Variants in NBEA observed in about 807,000 individuals in gnomAD.
NBEA encodes neurobeachin, also known as lysosomal-trafficking regulator 2.
A neutral mutation model predicts 343.4 loss-of-function variants in NBEA; 44 were observed. The observed-to-expected ratio is 0.13, with a 90% CI of 0.10 to 0.16. The LOEUF is 0.16. NBEA is among the 10% of genes least tolerant of loss of function. The pLI is 1.00. For synonymous variants in NBEA, 1,175 were observed against 1,238.7 expected (o/e 0.95, Z 1.08); for missense variants, 2,555 against 3,631.3 (o/e 0.70, Z 7.62).
chr13:35,662,099 A>G (rs1297256565), intron 55 of NBEA, among the ~76,000 whole-genome samples: 2 of 152,250 alleles, frequency 1.3e-5, no homozygotes, highest in Non-Finnish European at 2.9e-5. Context: ...GTCTATGTGA[A>G]TAAGCAGCAT....
chr13:35,280,695 G>A (rs545940766), intron 34 of NBEA, among the ~76,000 whole-genome samples: 34 of 152,070 alleles, frequency 2.2e-4, no homozygotes, highest in African/African-American at 7.2e-4. Context: ...CTGGCCTATG[G>A]TAAGTATGCA....
At chr13:35,656,591 T>C (rs1249576906) in intron 55 of NBEA, among the ~76,000 whole-genome samples, 1 of 152,186 alleles carries the variant, frequency 6.6e-6, no homozygotes, top group Admixed American at 6.5e-5. Flanking sequence ...GTTCCTGTCA[T>C]AGTAATATAC....
chr13:35,185,937 A>G (rs2071670279), intron 30 of NBEA: 1 of 152,108 alleles, frequency 6.6e-6, no homozygotes, highest in Non-Finnish European at 1.5e-5. Context: ...TTCATGATAG[A>G]TATGATCAAA....
At chr13:35,486,331 TG>T (rs1456743485) in intron 41 of NBEA, among the ~76,000 whole-genome samples, 1 of 152,110 alleles carries the variant, frequency 6.6e-6, no homozygotes, top group African/African-American at 2.4e-5. Flanking sequence ...TTAACCATAA[TG>T]TAATTCAGAG....
chr13:35,009,716 G>A (rs192293818), intron 1 of NBEA, among the ~76,000 whole-genome samples: 17 of 152,230 alleles, frequency 1.1e-4, no homozygotes, highest in Non-Finnish European at 2.1e-4. Context: ...CTGGTATTTC[G>A]GAATAAACCA....
intron 11 of NBEA, among the ~76,000 whole-genome samples, chr13:35,107,484 A>G (rs1312024030): frequency 4.6e-5 from 7 of 152,012 alleles, no homozygotes; most frequent in African/African-American, 1.7e-4. Flanking sequence ...GAACCAATTA[A>G]GTGGCCCCCT....
chr13:35,339,051 C>T lies in NBEA; in HGVS notation c.5904-10057C>T, dbSNP rs569528101. ...CAAAGAACCCCGCAATGAAGTCATG[C>T]TTATTTATGAAAGACTGAATGTATT... On this transcript the variant is annotated intron_variant, in intron 36 of 58. Transcript: ENST00000379939. Among the ~76,000 whole-genome samples the T allele has an allele frequency of 2.0e-5, 3 of 152,170 alleles. No homozygotes were observed. The East Asian group carries it at 5.8e-4, about 29-fold the overall frequency.
At chr13:35,301,183 T>A (rs74580436) in intron 35 of NBEA, among the ~76,000 whole-genome samples, 5 of 152,056 alleles carry the variant, frequency 3.3e-5, no homozygotes, top group South Asian at 4.1e-4. Flanking sequence ...TTTTTTTTTT[T>A]AATTTTACTT....
intron 8 of NBEA, among the ~76,000 whole-genome samples, chr13:35,069,516 C>T (rs1412729895): frequency 1.3e-5 from 2 of 152,012 alleles, no homozygotes; most frequent in Non-Finnish European, 2.9e-5. Context: ...TCATTTTTCT[C>T]TATAAGTAAT....
intron 36 of NBEA, among the ~76,000 whole-genome samples, chr13:35,313,300 C>G (rs966561757): frequency 2.0e-5 from 3 of 152,160 alleles, no homozygotes; most frequent in Admixed American, 6.5e-5. Context: ...TTGTTTACAT[C>G]TATTTCTCCT....
intron 11 of NBEA, among the ~76,000 whole-genome samples, chr13:35,103,710 T>C (rs1330644347): frequency 6.6e-6 from 1 of 151,874 alleles, no homozygotes; most frequent in Non-Finnish European, 1.5e-5. Context: ...CTTTATCTTA[T>C]TTAGTGGCAT....
intron 34 of NBEA, among the ~76,000 whole-genome samples, chr13:35,242,119 C>T (rs1484844354): frequency 4.0e-5 from 6 of 151,860 alleles, no homozygotes; most frequent in African/African-American, 1.2e-4. Context: ...TTTAAAACAA[C>T]TGTCTTTAAT....
chr13:35,169,885 C>G (rs2070331933), intron 25 of NBEA, among the ~76,000 whole-genome samples: 2 of 151,586 alleles, frequency 1.3e-5, no homozygotes, highest in Admixed American at 1.3e-4. Flanking sequence ...TTTTAAAATC[C>G]AAGTAATGAA....
intron 49 of NBEA, among the ~76,000 whole-genome samples, chr13:35,629,072 G>A (rs2083345927): frequency 6.6e-6 from 1 of 152,166 alleles, no homozygotes; most frequent in South Asian, 2.1e-4. Context: ...ATTATGTGCT[G>A]TAGTATGTAT....
chr13:35,608,715 C>T (rs1366160166), intron 48 of NBEA, among the ~76,000 whole-genome samples: 2 of 152,224 alleles, frequency 1.3e-5, no homozygotes, highest in East Asian at 3.9e-4. Flanking sequence ...GCAAAGTAGC[C>T]AATAGTTGTT....
intron 33 of NBEA, among the ~76,000 whole-genome samples, chr13:35,217,502 G>C (rs973863398): frequency 6.6e-6 from 1 of 151,970 alleles, no homozygotes; most frequent in Non-Finnish European, 1.5e-5. Context: ...TTTAAAAGTT[G>C]TTTTACTTTT....
chr13:35,428,984 G>C (rs936002801), intron 38 of NBEA, among the ~76,000 whole-genome samples: 3 of 152,118 alleles, frequency 2.0e-5, no homozygotes, highest in African/African-American at 7.2e-5. Context: ...TGCTTGATGG[G>C]GGTGGGAGTT....
Position 35,511,672 on chromosome 13 carries a change from TAGTA to T in NBEA, c.6586-38802_6586-38799del, listed in dbSNP as rs536516693. Among the ~76,000 whole-genome samples, 11 of 152,326 alleles carry T rather than the reference TAGTA, an allele frequency of 7.2e-5. No individual in the cohort carries two copies. In the South Asian group the frequency reaches 2.3e-3, roughly 32 times the overall value. Reference sequence around the variant, plus strand: ...CAAAGATAGTCAAATATACTGCTATTAGTAAGGCAGCATTACACTGTATCATATT... The same window carrying T: ...CAAAGATAGTCAAATATACTGCTATTAGGCAGCATTACACTGTATCATATT... On this transcript the variant is annotated intron_variant, in intron 41 of 58. Transcript: ENST00000379939.
chr13:35,563,505 C>T (rs1251127461), intron 44 of NBEA, among the ~76,000 whole-genome samples: 1 of 151,698 alleles, frequency 6.6e-6, no homozygotes, highest in Non-Finnish European at 1.5e-5. Flanking sequence ...TTCCATGTAA[C>T]ATTAAATACA....
Sources: gnomAD v4.1 joint callset for allele counts (sites outside exome capture counted in the v4.1 genomes callset) on GRCh38, gnomAD v4.1.1 for gene constraint, MANE v1.5 for transcripts, NCBI Gene and HGNC (gene_info 2026-07-23, HGNC 2026-07-21) for gene names.